The following SLC9A4 variants were observed in gnomAD, a reference collection of about 807,000 sequenced individuals.
The protein encoded by SLC9A4 is sodium/hydrogen exchanger 4.
Under a neutral mutation model 67.4 loss-of-function variants are expected in SLC9A4, and 63 were observed. That is an observed-to-expected ratio of 0.93 (90% confidence interval 0.76 to 1.15). The LOEUF (loss-of-function observed/expected upper bound fraction) is 1.15, where lower values mean the gene tolerates loss of function less well. Among genes scored for constraint, SLC9A4 ranks in the 50% most tolerant of loss-of-function variants. The pLI is 0.00. For missense variants in SLC9A4, 1,089 were observed against 987.7 expected, an observed-to-expected ratio of 1.10 and a Z score of -1.38; for synonymous variants, 393 against 367.2, an observed-to-expected ratio of 1.07 and a Z score of -0.80.
chr2:102,487,925 C>A (rs1008341845), intron 2 of SLC9A4, among the ~76,000 whole-genome samples: 2 of 152,178 alleles, frequency 1.3e-5, no homozygotes, highest in African/African-American at 4.8e-5. Flanking sequence ...GATGCAGAAG[C>A]AAACAAGCTT....
intron 10 of SLC9A4, 106 bp from the exon 11 acceptor site, chr2:102,526,153 G>T (rs1202949889): frequency 1.7e-6 from 2 of 1,177,796 alleles, no homozygotes; most frequent in Non-Finnish European, 2.4e-6. Context: ...CTCCCAAAGT[G>T]CTGGGATTAC....
chr2:102,475,584 C>G (rs1341250103), intron 1 of SLC9A4, among the ~76,000 whole-genome samples: 2 of 152,132 alleles, frequency 1.3e-5, no homozygotes, highest in Non-Finnish European at 2.9e-5. Context: ...TACGATTATT[C>G]ATAGAACTGT....
chr2:102,478,727 C>A, intron 1 of SLC9A4, 112 bp from the exon 2 acceptor site: 1 of 1,045,498 alleles, frequency 9.6e-7, no homozygotes, highest in Non-Finnish European at 1.4e-6. Context: ...GACGCTGAGG[C>A]TGAGATGCCA....
Position 102,503,433 on chromosome 2 carries a change from C to G in SLC9A4, c.721-15C>G, listed in dbSNP as rs546037886. The G allele has an allele frequency of 9.0e-6, 14 of 1,562,250 alleles. No individual in the cohort carries two copies. The Middle Eastern group carries it at 6.8e-4, about 76-fold the overall frequency. On this transcript the variant is annotated splice_polypyrimidine_tract_variant and intron_variant, in intron 2 of 11. Transcript: ENST00000295269. The stretch of plus-strand genomic sequence containing the variant: ...TATTCATAATTCATATTTGTTTACT[C>G]TCTTTTTTGCCTAGGTCTTATACAA...
Position 102,505,356 on chromosome 2 carries a change from C to A in SLC9A4, c.1083C>A (p.Val361=). Residue 361 remains valine, a synonymous_variant, in exon 4 of 12, where the codon GTC becomes GTA. Transcript: ENST00000295269. ...ACTTCATGAAGATGCTGAGCAGCGT[C>A]AGCGAGACCTTGATCTTCATCTTCA... ...IKYFMKMLSS[V]SETLIFIFMG... The A allele has an allele frequency of 6.2e-7, 1 of 1,614,234 alleles. No homozygotes were observed. Among genetic ancestry groups the A allele is most frequent in the Non-Finnish European group, 8.5e-7 (1 of 1,180,042 alleles).
chr2:102,522,553 C>A (rs766649186), intron 9 of SLC9A4, among the ~76,000 whole-genome samples: 1 of 152,110 alleles, frequency 6.6e-6, no homozygotes, highest in African/African-American at 2.4e-5. Context: ...TTATAAAGTG[C>A]AGCCTCCTCC....
chr2:102,484,935 G>C (rs1191242025), intron 2 of SLC9A4, among the ~76,000 whole-genome samples: 1 of 152,114 alleles, frequency 6.6e-6, no homozygotes, highest in Non-Finnish European at 1.5e-5. Flanking sequence ...CCTGGCTCTG[G>C]ATGCCATTCT....
At chr2:102,519,146 C>T (rs1214032875) in intron 8 of SLC9A4, among the ~76,000 whole-genome samples, 8 of 152,146 alleles carry the variant, frequency 5.3e-5, no homozygotes, top group East Asian at 1.9e-4. Context: ...AGGCATAACC[C>T]GTTTTTTAAT....
rs1216041119 is a variant in SLC9A4, at chr2:102,498,971, C to CA, written c.721-4476dup. ...TGTGAGGGAAAATGGGGAAGAAGCC[C>CA]AGGGGGATGGGAGAGCCCTCAGGTC... On this transcript the variant is annotated intron_variant, in intron 2 of 11. Coordinates refer to ENST00000295269, the MANE Select transcript of SLC9A4 (RefSeq NM_001011552.4). Among the ~76,000 whole-genome samples, 3 of 152,116 alleles carry CA rather than the reference C, an allele frequency of 2.0e-5. No individual in the cohort carries two copies. In the East Asian group the frequency reaches 5.8e-4, roughly 29 times the overall value.
chr2:102,499,489 T>A (rs1405682508), intron 2 of SLC9A4, among the ~76,000 whole-genome samples: 1 of 152,198 alleles, frequency 6.6e-6, no homozygotes, highest in Non-Finnish European at 1.5e-5. Flanking sequence ...AGTAATTCTT[T>A]TCCTAATACG....
chr2:102,526,166 G>C, intron 10 of SLC9A4, 93 bp from the exon 11 acceptor site: 1 of 1,334,914 alleles, frequency 7.5e-7, no homozygotes, highest in South Asian at 1.2e-5. Context: ...GGGATTACAG[G>C]CGTGAGCCAC....
chr2:102,505,004 C>T (rs775873199), intron 3 of SLC9A4, among the ~76,000 whole-genome samples: 2 of 152,198 alleles, frequency 1.3e-5, no homozygotes, highest in South Asian at 2.1e-4. Context: ...ATGCGAATTA[C>T]GTGTCCTTTT....
intron 2 of SLC9A4, among the ~76,000 whole-genome samples, chr2:102,484,593 G>A (rs1013056785): frequency 6.6e-6 from 1 of 152,124 alleles, no homozygotes; most frequent in African/African-American, 2.4e-5. Flanking sequence ...TTTAGTGGTC[G>A]GCTCATTCTG....
At position 102,512,145 on chromosome 2, in the gene SLC9A4, G is replaced by A; in HGVS notation, c.1489-58G>A. ...TTTTTTAAAGTGTCTTAGTTGTCCT[G>A]TGTGTCTTTCAGAGTTCGCGTTTCT... On this transcript the variant is annotated intron_variant, in intron 6 of 11. Transcript: ENST00000295269. The A allele has an allele frequency of 3.8e-6, 6 of 1,590,414 alleles. No individual in the cohort carries two copies. The South Asian group carries it at 5.5e-5, about 15-fold the overall frequency.
Position 102,503,720 on chromosome 2 carries a change from C to T in SLC9A4, c.980+13C>T, listed in dbSNP as rs7575867. On this transcript the variant is annotated intron_variant, in intron 3 of 11. Coordinates refer to ENST00000295269, the MANE Select transcript of SLC9A4 (RefSeq NM_001011552.4). ...CCGGCATCCTGGCGTGAGTACAAACCAAGGATCAAGTCACATAGTAATAGA... is the reference window on the plus strand; with the variant it reads ...CCGGCATCCTGGCGTGAGTACAAACTAAGGATCAAGTCACATAGTAATAGA... The T allele has an allele frequency of 0.14, 218,807 of 1,612,344 alleles. 16,347 individuals are homozygous for T. The highest frequency in any genetic ancestry group is 0.26 in the African/African-American group (19,468 of 74,874).
rs934912630 is a variant in SLC9A4 at position 102,529,322 on chromosome 2, T to C, written c.2038+2976T>C. Among the ~76,000 whole-genome samples the C allele has an allele frequency of 2.0e-5, 3 of 152,218 alleles. No individual in the cohort carries two copies. The East Asian group carries it at 5.8e-4, about 29-fold the overall frequency. The stretch of plus-strand genomic sequence containing the variant: ...AACTAGAAATCTGAGGGAAAAGTAA[T>C]GAAATAGCACTTATGTTAGCAGTTT... On this transcript the variant is annotated intron_variant, in intron 11 of 11. Coordinates refer to ENST00000295269, the MANE Select transcript of SLC9A4 (RefSeq NM_001011552.4).
chr2:102,478,946 C>T lies in SLC9A4; in HGVS notation c.364C>T (p.Pro122Ser), dbSNP rs374564175. Reference sequence around the variant, plus strand: ...CATCTTCGGCACCGACCACAAATCGCCTCCGGTCATGGACTCCAGCATCTA... The same window carrying T: ...CATCTTCGGCACCGACCACAAATCGTCTCCGGTCATGGACTCCAGCATCTA... ...GIIFGTDHKS[P>S]PVMDSSIYFL... The change falls in exon 2 of 12, where the codon CCT becomes TCT. Residue 122 changes from proline (P) to serine (S), a missense_variant. Transcript: ENST00000295269. 6.2e-7 allele frequency: 1 copy of T among 1,614,050 alleles called. No homozygotes were observed. The highest frequency in any genetic ancestry group is 2.2e-5 in the East Asian group (1 of 44,866).
rs1199276232 is a variant in SLC9A4, at chr2:102,533,946, A to G, written c.*1258A>G. 1 of 151,702 alleles carries G rather than the reference A, an allele frequency of 6.6e-6. No homozygotes were observed. The highest frequency in any genetic ancestry group is 2.4e-5 in the African/African-American group (1 of 41,250). 9.4% of individuals were successfully genotyped at this position (151,702 alleles called of 1,614,324 possible). A position where few individuals can be genotyped will look rare whatever the true frequency, so the allele number is the denominator to read the frequency against. ...CTTTGCTATTGTGAATAATGCCGCA[A>G]TAAACATACGTGTGCATGTGTCTTT... is the stretch of plus-strand genomic sequence containing the variant. On this transcript the variant is annotated 3_prime_UTR_variant, in exon 12 of 12. Transcript: ENST00000295269.
chr2:102,506,600 A>G (rs1212686588), intron 4 of SLC9A4, among the ~76,000 whole-genome samples: 4 of 152,194 alleles, frequency 2.6e-5, no homozygotes, highest in Non-Finnish European at 5.9e-5. Flanking sequence ...TCTTGGACAG[A>G]CATGTAACTA....
Sources: allele counts gnomAD v4.1 joint callset (sites outside exome capture counted in the v4.1 genomes callset), GRCh38; gene constraint gnomAD v4.1.1; transcripts MANE v1.5; gene names NCBI Gene and HGNC (gene_info 2026-07-23, HGNC 2026-07-21).